The following ADAM23 variants were observed in gnomAD, a reference collection of about 807,000 sequenced individuals.
ADAM23 encodes ADAM metallopeptidase domain 23, also known as disintegrin and metalloproteinase domain-containing protein 23.
A neutral mutation model predicts 120.1 loss-of-function variants in ADAM23; 33 were observed. The ratio of observed to expected loss-of-function variants is 0.27; its 90% CI spans 0.21 to 0.37. The LOEUF is 0.37. Ranked by LOEUF, ADAM23 falls within the 10% of genes least tolerant of loss-of-function variation. The probability of loss-of-function intolerance (pLI) is 1.00; values close to 1 mark genes in which losing one functional copy is unlikely to be tolerated. For missense variants in ADAM23, 862 were observed against 1,058.2 expected, an observed-to-expected ratio of 0.81 and a Z score of 2.57; for synonymous variants, 367 against 375.2, an observed-to-expected ratio of 0.98 and a Z score of 0.25.
At chr2:206,515,795 C>A (rs1049422117) in intron 3 of ADAM23, among the ~76,000 whole-genome samples, 1 of 151,886 alleles carries the variant, frequency 6.6e-6, no homozygotes, top group Non-Finnish European at 1.5e-5. Context: ...CTTTTGTTCT[C>A]TCTGTGCTTT....
At chr2:206,545,376 G>A (rs1047092334) in intron 6 of ADAM23, among the ~76,000 whole-genome samples, 1 of 152,018 alleles carries the variant, frequency 6.6e-6, no homozygotes, top group African/African-American at 2.4e-5. Flanking sequence ...ATCCCAGCTA[G>A]TGGGGAGGCT....
chr2:206,522,397 A>G (rs1290374390), intron 3 of ADAM23, among the ~76,000 whole-genome samples: 1 of 152,082 alleles, frequency 6.6e-6, no homozygotes, highest in African/African-American at 2.4e-5. Context: ...GCTATTTTAT[A>G]TATACCTAGG....
intron 3 of ADAM23, among the ~76,000 whole-genome samples, chr2:206,516,522 C>G (rs1460851625): frequency 6.6e-6 from 1 of 152,028 alleles, no homozygotes; most frequent in Admixed American, 6.6e-5. Flanking sequence ...CAGAGACCCT[C>G]TTCCTGGCTT....
At chr2:206,560,175 C>A in intron 11 of ADAM23, 57 bp downstream of exon 11, 1 of 1,520,896 alleles carries the variant, frequency 6.6e-7, no homozygotes, top group South Asian at 1.3e-5. Flanking sequence ...ATCCTTATCC[C>A]TTTTTTGGTT....
intron 3 of ADAM23, among the ~76,000 whole-genome samples, chr2:206,530,056 G>A (rs1268021793): frequency 1.3e-5 from 2 of 152,060 alleles, no homozygotes; most frequent in African/African-American, 2.4e-5. Context: ...TGATCCACCC[G>A]CCTCAGCCTC....
chr2:206,550,763 G>A (rs563174618), intron 9 of ADAM23, among the ~76,000 whole-genome samples: 10 of 152,122 alleles, frequency 6.6e-5, no homozygotes, highest in African/African-American at 1.2e-4. Context: ...CACTACGCCC[G>A]GCTAATTTTT....
rs911816805 is a variant in ADAM23 at position 206,533,031 on chromosome 2, T to C, written c.573+2083T>C. Among the ~76,000 whole-genome samples, 5 of 152,234 alleles carry C rather than the reference T, an allele frequency of 3.3e-5. No individual in the cohort carries two copies. The East Asian group carries it at 9.6e-4, about 29-fold the overall frequency. ...TTCCCACCACCATTACATATATATA[T>C]ATATTTTTAAAGCATTTGTAAATAA... is the stretch of plus-strand genomic sequence containing the variant. On this transcript the variant is annotated intron_variant, in intron 4 of 25. Coordinates refer to ENST00000264377, the MANE Select transcript of ADAM23 (RefSeq NM_003812.4).
chr2:206,557,914 A>G (rs1178920401), intron 10 of ADAM23, among the ~76,000 whole-genome samples: 25 of 152,230 alleles, frequency 1.6e-4, no homozygotes, highest in Non-Finnish European at 1.5e-5. Context: ...AATATAGGTA[A>G]TACCAAAAAA....
At chr2:206,455,359 A>T (rs551767283) in intron 2 of ADAM23, among the ~76,000 whole-genome samples, 1 of 152,190 alleles carries the variant, frequency 6.6e-6, no homozygotes, top group Admixed American at 6.5e-5. Context: ...GCACAGAGCA[A>T]TGGGGCCCAG....
At chr2:206,607,347 C>CT (rs1698747966) in intron 24 of ADAM23, 2 of 152,206 alleles carry the variant, frequency 1.3e-5, no homozygotes, top group Non-Finnish European at 2.9e-5. Flanking sequence ...AGAAACATTC[C>CT]TTTTTCAGGG....
Position 206,443,972 on chromosome 2 carries a change from A to T in ADAM23, c.106A>T (p.Ser36Cys). The change falls in exon 1 of 26, where the codon AGC (serine) becomes TGC (cysteine). Residue 36 changes from serine (S) to cysteine (C), a missense_variant. Coordinates refer to ENST00000264377, the MANE Select transcript of ADAM23 (RefSeq NM_003812.4). ...CGGCCCCGCCGGCTCGGTGCCTGCC[A>T]GCGCCCCGGCCCGCACGCCGCCCTG... Reference protein sequence around the residue: ...QRGPAGSVPASAPARTPPCRL... With the variant: ...QRGPAGSVPACAPARTPPCRL... 2.2e-6 allele frequency: 3 copies of T among 1,346,796 alleles called. No homozygotes were observed. The highest frequency in any genetic ancestry group is 2.9e-6 in the Non-Finnish European group (3 of 1,047,174). The allele number at this position is 1,346,796 out of a possible 1,614,324, so 83.4% of individuals were successfully genotyped here.
At chr2:206,529,908 T>C (rs569721145) in intron 3 of ADAM23, among the ~76,000 whole-genome samples, 4 of 151,684 alleles carry the variant, frequency 2.6e-5, no homozygotes, top group Non-Finnish European at 4.4e-5. Context: ...GCCTCCTGAG[T>C]TCAAGCGATT....
At chr2:206,501,024 G>A (rs1696377494) in intron 3 of ADAM23, among the ~76,000 whole-genome samples, 1 of 150,820 alleles carries the variant, frequency 6.6e-6, no homozygotes, top group Non-Finnish European at 1.5e-5. Flanking sequence ...GTTGTGTGTA[G>A]TGTTTGAATT....
chr2:206,572,624 A>C (rs1294372175), intron 17 of ADAM23, among the ~76,000 whole-genome samples: 1 of 152,206 alleles, frequency 6.6e-6, no homozygotes, highest in Non-Finnish European at 1.5e-5. Context: ...CTTTGTATAC[A>C]AAAGGCATTC....
chr2:206,510,559 A>G (rs1559241007), intron 3 of ADAM23, among the ~76,000 whole-genome samples: 1 of 152,184 alleles, frequency 6.6e-6, no homozygotes, highest in Non-Finnish European at 1.5e-5. Context: ...TCTTTTTAGC[A>G]TGGTTTCTCC....
chr2:206,496,750 G>T (rs1171176501), intron 3 of ADAM23, among the ~76,000 whole-genome samples: 1 of 152,182 alleles, frequency 6.6e-6, no homozygotes, highest in Middle Eastern at 3.4e-3. Flanking sequence ...TTGATAGACT[G>T]CTAGCAAGAC....
At chr2:206,572,302 T>C (rs776985107) in intron 17 of ADAM23, among the ~76,000 whole-genome samples, 4 of 152,214 alleles carry the variant, frequency 2.6e-5, no homozygotes, top group Non-Finnish European at 5.9e-5. Flanking sequence ...TGCACACTCA[T>C]ATGTGTATAT....
At chr2:206,601,772 C>CAA (rs35118372) in intron 24 of ADAM23, among the ~76,000 whole-genome samples, 47 of 81,130 alleles carry the variant, frequency 5.8e-4, no homozygotes, top group African/African-American at 1.6e-3. Context: ...AGACCCTTCT[C>CAA]AAAAAAAAAA....
chr2:206,474,732 G>A (rs942264479), intron 2 of ADAM23, among the ~76,000 whole-genome samples: 4 of 151,930 alleles, frequency 2.6e-5, no homozygotes, highest in Admixed American at 6.6e-5. Flanking sequence ...GCACCACCAT[G>A]CCTGGCTAAT....
Sources: allele counts gnomAD v4.1 joint callset (sites outside exome capture counted in the v4.1 genomes callset), GRCh38; gene constraint gnomAD v4.1.1; transcripts MANE v1.5; gene names NCBI Gene and HGNC (gene_info 2026-07-23, HGNC 2026-07-21).